The following DYTN variants were observed in gnomAD, a reference collection of about 807,000 sequenced individuals.
DYTN encodes dystrotelin.
DYTN carries 75 observed loss-of-function variants against 69.6 expected under a neutral mutation model. The ratio of observed to expected loss-of-function variants is 1.08; its 90% CI spans 0.89 to 1.31. DYTN has a LOEUF of 1.31. Among genes scored for constraint, DYTN ranks in the 50% most tolerant of loss-of-function variants. The probability of loss-of-function intolerance (pLI) is 0.00; values close to 1 mark genes in which losing one functional copy is unlikely to be tolerated. For missense variants in DYTN, 726 were observed against 688.4 expected (o/e 1.05, Z -0.61); for synonymous variants, 252 against 249.1 (o/e 1.01, Z -0.11).
Position 206,707,463 on chromosome 2 carries a change from CAGT to C in DYTN, c.132_134del (p.Leu45del). ...TGCGAGCTTCCCAGAAACTTGGACG[CAGT>C]AGGACCTGCTGAATCAGGGAGCTGT... On this transcript the variant is annotated inframe_deletion, in exon 3 of 12. Coordinates refer to ENST00000452335, the MANE Select transcript of DYTN (RefSeq NM_001093730.1). 1.9e-6 allele frequency: 3 copies of C among 1,612,216 alleles called. No homozygotes were observed. The highest frequency in any genetic ancestry group is 2.5e-6 in the Non-Finnish European group (3 of 1,179,284).
intron 9 of DYTN, among the ~76,000 whole-genome samples, chr2:206,682,942 C>G (rs1404115573): frequency 6.6e-6 from 1 of 151,898 alleles, no homozygotes; most frequent in Non-Finnish European, 1.5e-5. Flanking sequence ...GTTCTATTAG[C>G]CCAAGTATAC....
At chr2:206,694,630 C>A in intron 8 of DYTN, 136 bp downstream of exon 8, 1 of 550,694 alleles carries the variant, frequency 1.8e-6, no homozygotes. Flanking sequence ...TGGAGTTTGC[C>A]ACTTGCTTAG....
At chr2:206,701,146 A>G (rs1699972364) in intron 5 of DYTN, 1 of 152,232 alleles carries the variant, frequency 6.6e-6, no homozygotes, top group South Asian at 2.1e-4. Flanking sequence ...GTAACTGACT[A>G]AACAATCTAC....
chr2:206,718,226 C>T (rs939505094), intron 1 of DYTN, 35 bp downstream of exon 1: 7 of 1,573,728 alleles, frequency 4.4e-6, no homozygotes, highest in African/African-American at 1.4e-5. Context: ...TTTCTGTTTA[C>T]AAACTATGCT....
At chr2:206,659,687 G>A (rs1228055934) in intron 11 of DYTN, among the ~76,000 whole-genome samples, 1 of 152,032 alleles carries the variant, frequency 6.6e-6, no homozygotes, top group South Asian at 2.1e-4. Context: ...AGTATGCATA[G>A]ATTATGTTTA....
intron 11 of DYTN, among the ~76,000 whole-genome samples, chr2:206,654,476 AAT>A (rs1699424334): frequency 6.6e-6 from 1 of 152,204 alleles, no homozygotes; most frequent in Non-Finnish European, 1.5e-5. Flanking sequence ...GTAAGAATGC[AAT>A]ATATGATACA....
At chr2:206,709,109 G>GT (rs1700054825) in intron 2 of DYTN, among the ~76,000 whole-genome samples, 1 of 152,090 alleles carries the variant, frequency 6.6e-6, no homozygotes, top group African/African-American at 2.4e-5. Flanking sequence ...ACATAAAACT[G>GT]TTTTTAAAAC....
At chr2:206,713,502 G>T (rs534825904) in intron 1 of DYTN, among the ~76,000 whole-genome samples, 3 of 152,302 alleles carry the variant, frequency 2.0e-5, no homozygotes, top group Admixed American at 1.3e-4. Flanking sequence ...TTCCCTGAAA[G>T]GAAGCATAAA....
At chr2:206,712,204 A>G (rs912301935) in intron 1 of DYTN, among the ~76,000 whole-genome samples, 9 of 152,226 alleles carry the variant, frequency 5.9e-5, no homozygotes, top group Non-Finnish European at 1.2e-4. Context: ...GAAGTCGCCA[A>G]CGTCGGAATC....
intron 11 of DYTN, among the ~76,000 whole-genome samples, chr2:206,662,453 A>G (rs1204848230): frequency 2.0e-5 from 3 of 152,120 alleles, no homozygotes; most frequent in Non-Finnish European, 2.9e-5. Context: ...AGAATTTAGC[A>G]ATGAATCATA....
chr2:206,699,752 T>C lies in DYTN; in HGVS notation c.694A>G (p.Arg232Gly). The change falls in exon 7 of 12, where the codon AGG (arginine) becomes GGG (glycine). Residue 232 changes from arginine to glycine, a missense_variant. Arg to Gly is a moderately radical substitution (Grantham distance 125). Transcript: ENST00000452335. ...VTHPARCTLC[R>G]TFPITGLRYR... ...CTGAGTCCCGTGATTGGGAAAGTCC[T>C]GCAGAGAGTGCACCGAGCAGGGTGA... The C allele has an allele frequency of 6.2e-7, 1 of 1,613,708 alleles. No individual in the cohort carries two copies. The highest frequency in any genetic ancestry group is 8.5e-7 in the Non-Finnish European group (1 of 1,179,782).
chr2:206,692,314 A>C (rs1293174377), intron 9 of DYTN, among the ~76,000 whole-genome samples: 1 of 152,114 alleles, frequency 6.6e-6, no homozygotes, highest in Non-Finnish European at 1.5e-5. Context: ...TGCTATTTTA[A>C]ATTACAAAGA....
At chr2:206,684,388 T>C (rs538095392) in intron 9 of DYTN, among the ~76,000 whole-genome samples, 22 of 152,352 alleles carry the variant, frequency 1.4e-4, no homozygotes, top group Admixed American at 3.3e-4. Context: ...CACTGCAGCA[T>C]TGACCCCCTG....
At position 206,707,451 on chromosome 2, in the gene DYTN, G is replaced by A; in HGVS notation, c.147C>T (p.Phe49=). ...LIQQVLLRPS[F]WEARKHSLSV... ...AAAGGGAGTGCTTGCGAGCTTCCCA[G>A]AAACTTGGACGCAGTAGGACCTGCT... Residue 49 remains phenylalanine (F), a synonymous_variant, in exon 3 of 12, where the codon TTC becomes TTT. Coordinates refer to ENST00000452335, the MANE Select transcript of DYTN (RefSeq NM_001093730.1). 1 of 1,612,904 alleles carries A rather than the reference G, an allele frequency of 6.2e-7. No individual in the cohort carries two copies. The highest frequency in any genetic ancestry group is 8.5e-7 in the Non-Finnish European group (1 of 1,179,546).
chr2:206,665,058 C>T (rs1390902724), intron 10 of DYTN, among the ~76,000 whole-genome samples: 1 of 152,138 alleles, frequency 6.6e-6, no homozygotes, highest in Non-Finnish European at 1.5e-5. Context: ...AGAAGTATGC[C>T]TCGGTATCTG....
intron 9 of DYTN, among the ~76,000 whole-genome samples, chr2:206,666,969 C>T (rs148628793): frequency 3.3e-5 from 5 of 152,168 alleles, no homozygotes; most frequent in African/African-American, 1.2e-4. Context: ...CACTTGAGCC[C>T]AGGAGTTAGA....
At chr2:206,677,489 G>T (rs1166386761) in intron 9 of DYTN, among the ~76,000 whole-genome samples, 4 of 151,976 alleles carry the variant, frequency 2.6e-5, no homozygotes, top group East Asian at 1.9e-4. Flanking sequence ...AAAAGGAAAG[G>T]ATTTATTCAA....
chr2:206,704,914 T>G lies in DYTN; in HGVS notation c.412A>C (p.Arg138=). 1 of 1,613,782 alleles carries G rather than the reference T, an allele frequency of 6.2e-7. No individual in the cohort carries two copies. The highest frequency in any genetic ancestry group is 1.7e-5 in the Admixed American group (1 of 60,002). ...CGTGGCCCAGAATCATAGCCTCCCCTGCTATTTTCTGCATAGAGTTGAAAA... is the reference window on the plus strand; with the variant it reads ...CGTGGCCCAGAATCATAGCCTCCCCGGCTATTTTCTGCATAGAGTTGAAAA... The part of the protein sequence containing the change: ...ALFQLYAENS[R]GGYDSGPRMT... The change falls in exon 5 of 12, where the codon AGG becomes CGG. Residue 138 remains arginine, a synonymous_variant. Coordinates refer to ENST00000452335, the MANE Select transcript of DYTN (RefSeq NM_001093730.1).
chr2:206,687,727 A>C (rs1458809593), intron 9 of DYTN, among the ~76,000 whole-genome samples: 2 of 152,110 alleles, frequency 1.3e-5, no homozygotes, highest in African/African-American at 4.8e-5. Context: ...ATGGATAGCC[A>C]ATTATGCATT....
Sources: gnomAD v4.1 joint callset for allele counts (sites outside exome capture counted in the v4.1 genomes callset) on GRCh38, gnomAD v4.1.1 for gene constraint, MANE v1.5 for transcripts, NCBI Gene and HGNC (gene_info 2026-07-23, HGNC 2026-07-21) for gene names.